The following FRMD4A variants were observed in gnomAD, a reference collection of about 807,000 sequenced individuals.
FRMD4A encodes the protein FERM domain containing 4A.
A neutral mutation model predicts 129.1 loss-of-function variants in FRMD4A; 29 were observed. The ratio of observed to expected loss-of-function variants is 0.22; its 90% CI spans 0.17 to 0.31. FRMD4A has a LOEUF of 0.31. FRMD4A is among the 10% of genes least tolerant of loss of function. The pLI is 1.00. For synonymous variants in FRMD4A, 634 were observed against 571.6 expected (o/e 1.11, Z -1.56); for missense variants, 1,272 against 1,375.8 (o/e 0.92, Z 1.19).
chr10:13,970,649 C>A (rs896557867), intron 2 of FRMD4A, among the ~76,000 whole-genome samples: 1 of 152,074 alleles, frequency 6.6e-6, no homozygotes, highest in African/African-American at 2.4e-5. Flanking sequence ...ATGAGCGACA[C>A]CCCCCTTCAA....
intron 6 of FRMD4A, among the ~76,000 whole-genome samples, chr10:13,780,080 C>G (rs1331803094): frequency 6.6e-6 from 1 of 152,152 alleles, no homozygotes; most frequent in Non-Finnish European, 1.5e-5. Flanking sequence ...AATCCCAACA[C>G]TTTGGGAGGC....
At chr10:13,784,791 A>G (rs1588702565) in intron 5 of FRMD4A, among the ~76,000 whole-genome samples, 1 of 152,100 alleles carries the variant, frequency 6.6e-6, no homozygotes, top group South Asian at 2.1e-4. Context: ...GGAGTTCGAA[A>G]CCAGCCTGGC....
At chr10:13,833,774 A>C (rs7900055) in intron 3 of FRMD4A, among the ~76,000 whole-genome samples, 76,616 of 151,700 alleles carry the variant, frequency 0.51, 19,396 homozygotes, top group East Asian at 0.62. Context: ...TCTCAACAAC[A>C]CTATGAGGCA....
At chr10:14,127,003 C>A (rs7911581) in intron 2 of FRMD4A, among the ~76,000 whole-genome samples, 46,712 of 152,016 alleles carry the variant, frequency 0.31, 7,465 homozygotes, top group East Asian at 0.51. Context: ...ATGCACAGTT[C>A]CTGCCCTTAT....
At position 14,157,616 on chromosome 10, in the gene FRMD4A, G is replaced by C. The variant is rs72778614; in HGVS notation, c.45+172442C>G. 6.7e-3 allele frequency among the ~76,000 whole-genome samples: 1,027 copies of C among 152,306 alleles called. 3 individuals are homozygous for C. Among genetic ancestry groups the C allele is most frequent in the Middle Eastern group, 0.031 (9 of 294 alleles). ...AGCCAACACAGCCCTTGCTGTGGGT[G>C]AGCTTCACTTCTCTGGCTGAGTTAA... On this transcript the variant is annotated intron_variant, in intron 2 of 24. Transcript: ENST00000357447.
intron 3 of FRMD4A, 126 bp from the exon 4 acceptor site, chr10:13,811,034 G>T (rs530242707): frequency 2.1e-5 from 12 of 564,234 alleles, no homozygotes; most frequent in African/African-American, 1.7e-4. Flanking sequence ...TGAAGCAAAT[G>T]ATTTTTATAA....
At chr10:13,878,337 G>C (rs575874416) in intron 2 of FRMD4A, among the ~76,000 whole-genome samples, 3 of 152,208 alleles carry the variant, frequency 2.0e-5, no homozygotes, top group African/African-American at 7.2e-5. Flanking sequence ...AAGCTGGCTG[G>C]GCTCCTGATC....
chr10:13,890,791 G>T (rs574572177), intron 2 of FRMD4A: 383 of 985,168 alleles, frequency 3.9e-4, no homozygotes, highest in Non-Finnish European at 4.4e-4. Flanking sequence ...TGCACTTCCC[G>T]GGGGGCTGGC....
chr10:13,683,375 A>G (rs1183430499), intron 15 of FRMD4A, among the ~76,000 whole-genome samples: 1 of 151,906 alleles, frequency 6.6e-6, no homozygotes, highest in East Asian at 1.9e-4. Context: ...GCTTAATGCC[A>G]GGAGTTTGAG....
At chr10:14,277,602 GTTA>G (rs1416362508) in intron 2 of FRMD4A, among the ~76,000 whole-genome samples, 1 of 152,208 alleles carries the variant, frequency 6.6e-6, no homozygotes, top group Non-Finnish European at 1.5e-5. Context: ...CACTTACTTT[GTTA>G]TAGCAGCCCG....
At chr10:14,003,628 G>A (rs1298291953) in intron 2 of FRMD4A, 5 of 151,494 alleles carry the variant, frequency 3.3e-5, no homozygotes, top group African/African-American at 1.2e-4. Context: ...GCATCTCAGG[G>A]TGTGAAGAAA....
intron 2 of FRMD4A, among the ~76,000 whole-genome samples, chr10:13,912,633 G>A (rs1318235539): frequency 6.1e-5 from 9 of 148,518 alleles, no homozygotes; most frequent in East Asian, 2.0e-4. Context: ...AGTTCACGCC[G>A]TTTTCCTGCC....
At chr10:14,204,679 C>A (rs1031007195) in intron 2 of FRMD4A, among the ~76,000 whole-genome samples, 1 of 152,044 alleles carries the variant, frequency 6.6e-6, no homozygotes, top group African/African-American at 2.4e-5. Flanking sequence ...CCTAAAGTAG[C>A]AATTCACTTA....
chr10:13,888,865 G>C lies in FRMD4A; in HGVS notation c.46-29953C>G, dbSNP rs536898614. On this transcript the variant is annotated intron_variant, in intron 2 of 24. Coordinates refer to ENST00000357447, the MANE Select transcript of FRMD4A (RefSeq NM_018027.5). The stretch of plus-strand genomic sequence containing the variant: ...TTTCTCATTTTGACATATTGAACTA[G>C]GAATTCTTCAAAAGTTATACTGTTC... Among the ~76,000 whole-genome samples, 10 of 152,312 alleles carry C rather than the reference G, an allele frequency of 6.6e-5. No homozygotes were observed. In the South Asian group the frequency reaches 2.1e-3, roughly 32 times the overall value.
chr10:14,082,368 A>C (rs1170896812), intron 2 of FRMD4A, among the ~76,000 whole-genome samples: 7 of 152,202 alleles, frequency 4.6e-5, no homozygotes, highest in Non-Finnish European at 7.3e-5. Flanking sequence ...CTACTACCAA[A>C]CTAGATATCA....
chr10:13,932,931 C>CG (rs1324089573), intron 2 of FRMD4A, among the ~76,000 whole-genome samples: 1 of 152,066 alleles, frequency 6.6e-6, no homozygotes, highest in Non-Finnish European at 1.5e-5. Context: ...GAGGCTGAGG[C>CG]GGGTGGATCA....
At chr10:14,121,049 A>G (rs1315546562) in intron 2 of FRMD4A, among the ~76,000 whole-genome samples, 2 of 152,224 alleles carry the variant, frequency 1.3e-5, no homozygotes. Flanking sequence ...TAATGTACAT[A>G]TGAATCACCT....
intron 2 of FRMD4A, among the ~76,000 whole-genome samples, chr10:13,983,657 G>A (rs1446553101): frequency 6.6e-6 from 1 of 152,108 alleles, no homozygotes; most frequent in Non-Finnish European, 1.5e-5. Context: ...TCAGAGACCA[G>A]GAGATACCTA....
chr10:14,064,789 G>T (rs903607725), intron 2 of FRMD4A, among the ~76,000 whole-genome samples: 2 of 152,068 alleles, frequency 1.3e-5, no homozygotes, highest in African/African-American at 4.8e-5. Flanking sequence ...TGTTGGCCAG[G>T]ATGGTCTTGA....
Sources: gnomAD v4.1 joint callset for allele counts (sites outside exome capture counted in the v4.1 genomes callset) on GRCh38, gnomAD v4.1.1 for gene constraint, MANE v1.5 for transcripts, NCBI Gene and HGNC (gene_info 2026-07-23, HGNC 2026-07-21) for gene names.